The following ACTN2 variants were observed in gnomAD, a reference collection of about 807,000 sequenced individuals.
ACTN2 encodes actinin alpha 2, also known as alpha-actinin-2.
In ACTN2, 39 loss-of-function variants were observed where a neutral mutation model predicts 113.8. The observed-to-expected ratio is 0.34, with a 90% CI of 0.27 to 0.45. ACTN2 has a LOEUF of 0.45. ACTN2 is among the 20% of genes least tolerant of loss of function. The probability of loss-of-function intolerance (pLI) is 1.00; values close to 1 mark genes in which losing one functional copy is unlikely to be tolerated. For missense variants in ACTN2, 992 were observed against 1,177.9 expected (o/e 0.84, Z 2.31); for synonymous variants, 429 against 444.1 (o/e 0.97, Z 0.43).
chr1:236,762,763 C>A lies in ACTN2; in HGVS notation c.*144C>A. The stretch of plus-strand genomic sequence containing the variant: ...AAGCCTTTCGTAGTTCAGTAATTGC[C>A]AGCAATATAACACGGCTAAAATGAA... On this transcript the variant is annotated 3_prime_UTR_variant, in exon 21 of 21. Transcript: ENST00000366578. 3.0e-6 allele frequency: 3 copies of A among 1,014,412 alleles called. No homozygotes were observed. The highest frequency in any genetic ancestry group is 3.0e-6 in the Non-Finnish European group (2 of 673,718). 62.8% of individuals were successfully genotyped at this position (1,014,412 alleles called of 1,614,324 possible).
intron 15 of ACTN2, among the ~76,000 whole-genome samples, chr1:236,752,812 CA>C (rs1396794667): frequency 1.3e-5 from 2 of 152,132 alleles, no homozygotes; most frequent in African/African-American, 4.8e-5. Flanking sequence ...CTCAGCCTCC[CA>C]AAGTGCTGGG....
intron 1 of ACTN2, among the ~76,000 whole-genome samples, chr1:236,700,823 A>G (rs971302786): frequency 2.0e-5 from 3 of 152,196 alleles, no homozygotes; most frequent in African/African-American, 7.2e-5. Flanking sequence ...CGGGGAATTT[A>G]TTTAGACACA....
At chr1:236,759,665 A>G in intron 18 of ACTN2, 59 bp from the exon 19 acceptor site, 2 of 1,435,576 alleles carry the variant, frequency 1.4e-6, no homozygotes, top group Non-Finnish European at 9.8e-7. Flanking sequence ...CAGTTGGTCA[A>G]GTAGAGTTGC....
intron 5 of ACTN2, among the ~76,000 whole-genome samples, chr1:236,727,379 C>T (rs925011274): frequency 2.6e-5 from 4 of 152,046 alleles, no homozygotes; most frequent in Non-Finnish European, 4.4e-5. Flanking sequence ...TGGGACTGGC[C>T]GAGCAGGGAC....
intron 20 of ACTN2, among the ~76,000 whole-genome samples, chr1:236,761,525 A>G (rs1659710222): frequency 6.6e-6 from 1 of 152,142 alleles, no homozygotes; most frequent in African/African-American, 2.4e-5. Context: ...CAGAAAGAAG[A>G]AACTATGCAA....
intron 2 of ACTN2, among the ~76,000 whole-genome samples, chr1:236,718,187 A>G (rs571702073): frequency 6.6e-6 from 1 of 152,258 alleles, no homozygotes; most frequent in Admixed American, 6.5e-5. Context: ...TTATTAAAAT[A>G]ATGTTTATAC....
Position 236,686,652 on chromosome 1 carries a change from C to T in ACTN2, c.-22C>T, listed in dbSNP as rs138279482. 0.031 allele frequency: 48,538 copies of T among 1,546,342 alleles called. 940 individuals carry two copies. Among genetic ancestry groups the T allele is most frequent in the Middle Eastern group, 0.073 (388 of 5,340 alleles). On this transcript the variant is annotated 5_prime_UTR_variant, in exon 1 of 21. Coordinates refer to ENST00000366578, the MANE Select transcript of ACTN2 (RefSeq NM_001103.4). ...CGTCCGAGCCCCTCGCGCCCCGCCG[C>T]AGCCCCGGCCAACCGAGCGCCATGA...
chr1:236,697,850 G>A (rs7530968), intron 1 of ACTN2, among the ~76,000 whole-genome samples: 14,080 of 145,760 alleles, frequency 0.097, 838 homozygotes, highest in Middle Eastern at 0.17. Context: ...TGCAACTTTC[G>A]CCTCCCAGGT....
At chr1:236,704,412 T>G (rs1243642493) in intron 1 of ACTN2, among the ~76,000 whole-genome samples, 3 of 152,230 alleles carry the variant, frequency 2.0e-5, no homozygotes, top group Non-Finnish European at 4.4e-5. Flanking sequence ...TATTTGATTC[T>G]GACACTGTCC....
intron 7 of ACTN2, chr1:236,734,578 T>C (rs929776506): frequency 3.1e-6 from 4 of 1,285,928 alleles, no homozygotes; most frequent in Non-Finnish European, 4.3e-6. Flanking sequence ...TAATTTTTTT[T>C]CAATTGTTTT....
At chr1:236,697,009 G>C (rs191967984) in intron 1 of ACTN2, among the ~76,000 whole-genome samples, 1 of 152,154 alleles carries the variant, frequency 6.6e-6, no homozygotes, top group Non-Finnish European at 1.5e-5. Context: ...CCACAAAATA[G>C]CCAGGCTGTA....
In ACTN2 at chr1:236,735,678, G is replaced by T. The variant is rs777426844; in HGVS notation, c.741G>T (p.Thr247=). ...TPKPDERAIM[T]YVSCFYHAFA... The stretch of plus-strand genomic sequence containing the variant: ...AACCCGATGAAAGAGCCATCATGAC[G>T]TACGTCTCTTGCTTCTACCACGCTT... Residue 247 remains threonine (T), a synonymous_variant, in exon 8 of 21, where the codon ACG becomes ACT. Coordinates refer to ENST00000366578, the MANE Select transcript of ACTN2 (RefSeq NM_001103.4). The T allele has an allele frequency of 1.1e-5, 18 of 1,614,164 alleles. No individual in the cohort carries two copies. The highest frequency in any genetic ancestry group is 1.3e-5 in the Non-Finnish European group (15 of 1,180,030).
In ACTN2 at chr1:236,727,682, A is replaced by G. The variant is rs779350391; in HGVS notation, c.541A>G (p.Lys181Glu). 10 of 1,614,056 alleles carry G rather than the reference A, an allele frequency of 6.2e-6. No homozygotes were observed. The African/African-American group carries it at 8.0e-5, about 13-fold the overall frequency. The change falls in exon 6 of 21, where the codon AAA becomes GAA. Residue 181 changes from lysine to glutamate, a missense_variant. By Grantham distance (56) the Lys-to-Glu change is moderately conservative. This residue lies in a region of ACTN2 where 220 missense variants were observed against 337.5 expected (regional missense o/e 0.65). Transcript: ENST00000366578. ...TTCTTCTCGACGGCTGTGAAGCTGG[A>G]AAGATGGCCTTGGACTCTGTGCCCT... The part of the protein sequence containing the change: ...VNIQNFHTSW[K>E]DGLGLCALIH...
At chr1:236,761,832 A>G (rs1659717388) in intron 20 of ACTN2, among the ~76,000 whole-genome samples, 1 of 152,210 alleles carries the variant, frequency 6.6e-6, no homozygotes. Context: ...GCATGCTAAA[A>G]CACAGTAACA....
rs559904606 is a variant in ACTN2, at chr1:236,746,027, A to G, written c.1406+1251A>G. Among the ~76,000 whole-genome samples the G allele has an allele frequency of 2.4e-4, 37 of 151,814 alleles. No homozygotes were observed. The East Asian group carries it at 3.3e-3, about 14-fold the overall frequency. ...AAATACAAAAAAAAATTAGCCAGGCATGGTGGCGGGCACCTGTAGTCCCAA... is the reference window on the plus strand; with the variant it reads ...AAATACAAAAAAAAATTAGCCAGGCGTGGTGGCGGGCACCTGTAGTCCCAA... On this transcript the variant is annotated intron_variant, in intron 12 of 20. Coordinates refer to ENST00000366578, the MANE Select transcript of ACTN2 (RefSeq NM_001103.4).
At chr1:236,718,045 A>C (rs1449929174) in intron 2 of ACTN2, 73 bp downstream of exon 2, 1 of 1,220,476 alleles carries the variant, frequency 8.2e-7, no homozygotes, top group Middle Eastern at 1.9e-4. Flanking sequence ...AGATGACTAC[A>C]TCAGAAGTTC....
At chr1:236,691,658 AT>A (rs1325693631) in intron 1 of ACTN2, among the ~76,000 whole-genome samples, 6 of 152,160 alleles carry the variant, frequency 3.9e-5, no homozygotes, top group Non-Finnish European at 7.3e-5. Context: ...AAATAAAAAA[AT>A]AATAAGTGTA....
intron 18 of ACTN2, among the ~76,000 whole-genome samples, chr1:236,758,358 T>A (rs1188363208): frequency 6.6e-6 from 1 of 150,414 alleles, no homozygotes; most frequent in East Asian, 1.9e-4. Flanking sequence ...TGATCTCGGC[T>A]CACTGCAACC....
intron 1 of ACTN2, among the ~76,000 whole-genome samples, chr1:236,701,978 C>T (rs908093118): frequency 6.6e-5 from 10 of 152,106 alleles, no homozygotes; most frequent in Admixed American, 1.3e-4. Context: ...TGATGTGTGA[C>T]GGTGAGTTCT....
Sources: gnomAD v4.1 joint callset for allele counts (sites outside exome capture counted in the v4.1 genomes callset) on GRCh38, gnomAD v4.1.1 for gene constraint, gnomAD v4.1.1 regional missense constraint, MANE v1.5 for transcripts, NCBI Gene and HGNC (gene_info 2026-07-23, HGNC 2026-07-21) for gene names.